Variants in NEDD8 observed in about 807,000 individuals in gnomAD.
NEDD8 encodes the protein NEDD8 ubiquitin like modifier, also known as ubiquitin-like protein NEDD8.
NEDD8 carries 1 observed loss-of-function variant against 13.8 expected under a neutral mutation model. The observed-to-expected ratio is 0.07, with a 90% CI of 0.03 to 0.34. The LOEUF (loss-of-function observed/expected upper bound fraction) is 0.34, where lower values mean the gene tolerates loss of function less well. Ranked by LOEUF, NEDD8 falls within the 10% of genes least tolerant of loss-of-function variation. NEDD8 has a pLI of 0.99. For missense variants in NEDD8, 10 were observed against 95.2 expected (o/e 0.10, Z 3.73); for synonymous variants, 31 against 33.2 (o/e 0.93, Z 0.23).
intron 1 of NEDD8, among the ~76,000 whole-genome samples, chr14:24,219,163 T>A (rs975682544): frequency 2.0e-5 from 3 of 152,006 alleles, no homozygotes; most frequent in African/African-American, 7.2e-5. Context: ...AGCAGTTTTT[T>A]AAAAAATGCT....
chr14:24,225,296 AAAACACAT>A (rs956019552), intron 1 of NEDD8, among the ~76,000 whole-genome samples: 2 of 152,212 alleles, frequency 1.3e-5, no homozygotes. Context: ...AAAGAAATTG[AAAACACAT>A]AAACCAATGG....
chr14:24,229,545 G>GTC (rs1375436014), intron 1 of NEDD8, among the ~76,000 whole-genome samples: 2 of 152,118 alleles, frequency 1.3e-5, no homozygotes, highest in Non-Finnish European at 2.9e-5. Flanking sequence ...TAAACTGCAG[G>GTC]TCTCAACCCA....
intron 1 of NEDD8, 181 bp from the exon 2 acceptor site, chr14:24,218,612 C>T: frequency 2.4e-6 from 2 of 817,542 alleles, no homozygotes; most frequent in South Asian, 1.8e-5. Context: ...TATTTTTAGG[C>T]TGTAAACAAC....
At chr14:24,226,796 C>T (rs2039898111) in intron 1 of NEDD8, 1 of 152,148 alleles carries the variant, frequency 6.6e-6, no homozygotes, top group Admixed American at 6.6e-5. Context: ...TTTAAAGTTA[C>T]ATATATCTAC....
chr14:24,225,229 C>T (rs868666336), intron 1 of NEDD8, among the ~76,000 whole-genome samples: 1 of 147,392 alleles, frequency 6.8e-6, no homozygotes, highest in Non-Finnish European at 1.5e-5. Context: ...AAAATTCAAA[C>T]TGCAGGAAAC....
chr14:24,226,594 T>C (rs2039895396), intron 1 of NEDD8: 1 of 152,142 alleles, frequency 6.6e-6, no homozygotes, highest in Non-Finnish European at 1.5e-5. Flanking sequence ...TTGAATGAGA[T>C]AACATTATAT....
At chr14:24,219,982 A>G (rs1025269751) in intron 1 of NEDD8, among the ~76,000 whole-genome samples, 1 of 152,204 alleles carries the variant, frequency 6.6e-6, no homozygotes, top group Non-Finnish European at 1.5e-5. Context: ...CTATTAAAAA[A>G]TACAAAATTA....
rs1382328452 is a variant in NEDD8, at chr14:24,216,963, G to GA, written c.*163_*164insT. Reference sequence around the variant, plus strand: ...ACCCAGTAGCCAGCAAGGGCCCTCTGGGCCAGGAATACTGAATCCTGGGAT... The same window carrying GA: ...ACCCAGTAGCCAGCAAGGGCCCTCTGAGGCCAGGAATACTGAATCCTGGGAT... On this transcript the variant is annotated 3_prime_UTR_variant, in exon 4 of 4. Transcript: ENST00000250495. 2.1e-5 allele frequency: 13 copies of GA among 624,296 alleles called. No individual in the cohort carries two copies. The East Asian group carries it at 3.1e-4, about 15-fold the overall frequency. 38.7% of individuals were successfully genotyped at this position (624,296 alleles called of 1,614,324 possible).
At chr14:24,228,285 T>G (rs909595042) in intron 1 of NEDD8, 5 of 151,746 alleles carry the variant, frequency 3.3e-5, no homozygotes, top group African/African-American at 1.2e-4. Context: ...CCCAGCTACT[T>G]GGGAGGCTGA....
In NEDD8 at chr14:24,226,423, G is replaced by A. The variant is rs1485388684; in HGVS notation, c.18+5827C>T. Among the ~76,000 whole-genome samples, 2 of 149,930 alleles carry A rather than the reference G, an allele frequency of 1.3e-5. 1 individual carries two copies. Reference sequence around the variant, plus strand: ...ATCGTGCCACCGCACTCCAGCCTGGGTGACAGAGGGAGACTCCATCTCAAA... The same window carrying A: ...ATCGTGCCACCGCACTCCAGCCTGGATGACAGAGGGAGACTCCATCTCAAA... On this transcript the variant is annotated intron_variant, in intron 1 of 3. Transcript: ENST00000250495.
At chr14:24,218,357 C>A (rs763991917) in intron 2 of NEDD8, 27 bp downstream of exon 2, 1 of 1,614,118 alleles carries the variant, frequency 6.2e-7, no homozygotes, top group African/African-American at 1.3e-5. Context: ...GCAAGAAGTA[C>A]ATGAAGAGGA....
At chr14:24,218,255 T>C in intron 2 of NEDD8, 40 bp from the exon 3 acceptor site, 2 of 1,613,942 alleles carry the variant, frequency 1.2e-6, no homozygotes, top group Non-Finnish European at 1.7e-6. Flanking sequence ...TGCTTAGGGG[T>C]AGGACCATGG....
intron 3 of NEDD8, chr14:24,217,622 T>C (rs956078081): frequency 4.5e-5 from 8 of 176,570 alleles, no homozygotes; most frequent in African/African-American, 9.6e-5. Context: ...CTGGATCTCT[T>C]TGGGGGTCTG....
intron 1 of NEDD8, among the ~76,000 whole-genome samples, chr14:24,221,887 C>T (rs2039816527): frequency 6.6e-6 from 1 of 152,180 alleles, no homozygotes; most frequent in Non-Finnish European, 1.5e-5. Context: ...TGGGCCACCG[C>T]ACCCGACCAC....
At chr14:24,223,793 T>G (rs1223363961) in intron 1 of NEDD8, among the ~76,000 whole-genome samples, 1 of 151,960 alleles carries the variant, frequency 6.6e-6, no homozygotes, top group Non-Finnish European at 1.5e-5. Flanking sequence ...TGGAGTGCTG[T>G]GGCATCATCT....
At chr14:24,227,287 T>C (rs142299622) in intron 1 of NEDD8, 1 of 152,262 alleles carries the variant, frequency 6.6e-6, no homozygotes, top group East Asian at 1.9e-4. Flanking sequence ...GTAAAGACAG[T>C]TGCCAAAGTA....
rs1166849834 is a variant in NEDD8 at position 24,217,083 on chromosome 14, C to A, written c.*44G>T. ...CCAGAGAGTGAGAGGATATATGATG[C>A]CTCATTATGAGCGACAGGGTAAAGA... On this transcript the variant is annotated 3_prime_UTR_variant, in exon 4 of 4. Coordinates refer to ENST00000250495, the MANE Select transcript of NEDD8 (RefSeq NM_006156.3). 2.0e-6 allele frequency: 3 copies of A among 1,492,570 alleles called. No homozygotes were observed. The Admixed American group carries it at 5.5e-5, about 27-fold the overall frequency. The allele number at this position is 1,492,570 out of a possible 1,614,324, so 92.5% of individuals were successfully genotyped here.
Position 24,220,026 on chromosome 14 carries a change from C to T in NEDD8, c.19-1595G>A, listed in dbSNP as rs1246339569. Among the ~76,000 whole-genome samples, 4 of 152,330 alleles carry T rather than the reference C, an allele frequency of 2.6e-5. No homozygotes were observed. The East Asian group carries it at 7.7e-4, about 29-fold the overall frequency. On this transcript the variant is annotated intron_variant, in intron 1 of 3. Coordinates refer to ENST00000250495, the MANE Select transcript of NEDD8 (RefSeq NM_006156.3). ...TGGTGGCGCATGCCTGTAATCCCAACTACTCAGGAGGCTGAGGCAGGAGAA... is the reference window on the plus strand; with the variant it reads ...TGGTGGCGCATGCCTGTAATCCCAATTACTCAGGAGGCTGAGGCAGGAGAA...
At chr14:24,226,109 G>C (rs2039886428) in intron 1 of NEDD8, among the ~76,000 whole-genome samples, 1 of 150,772 alleles carries the variant, frequency 6.6e-6, no homozygotes, top group Non-Finnish European at 1.5e-5. Flanking sequence ...CAAAAGAAAT[G>C]TGATCCAGCC....
Sources: allele counts gnomAD v4.1 joint callset (sites outside exome capture counted in the v4.1 genomes callset), GRCh38; gene constraint gnomAD v4.1.1; transcripts MANE v1.5; gene names NCBI Gene and HGNC (gene_info 2026-07-23, HGNC 2026-07-21).